TRIM42: variants seen among roughly 807,000 people sequenced by gnomAD.
The protein encoded by TRIM42 is tripartite motif containing 42.
Under a neutral mutation model 64.9 loss-of-function variants are expected in TRIM42, and 59 were observed. The ratio of observed to expected loss-of-function variants is 0.91; its 90% confidence interval spans 0.74 to 1.13. The LOEUF is 1.13. TRIM42 is among the 50% of genes most tolerant of loss of function. TRIM42 has a pLI of 0.00. For synonymous variants in TRIM42, 354 were observed against 346.3 expected (o/e 1.02, Z -0.25); for missense variants, 878 against 929.5 (o/e 0.94, Z 0.72).
rs538613272 is a variant in TRIM42, at chr3:140,688,002, G to A, written c.1320G>A (p.Val440=). 4.0e-5 allele frequency: 64 copies of A among 1,614,200 alleles called. 1 individual carries two copies. The South Asian group carries it at 6.3e-4, about 16-fold the overall frequency. ...AAGCCCTGAAGGAGACTGGCCAGGT[G>A]GCATTCCTGCAGTCAGCCAAGATCC... ...SKEALKETGQ[V]AFLQSAKILV... is the part of the protein sequence containing the mutation. The change falls in exon 3 of 5, where the codon GTG becomes GTA. Residue 440 remains valine (V), a synonymous_variant. Transcript: ENST00000286349.
chr3:140,685,340 A>G (rs1988522526), intron 2 of TRIM42, among the ~76,000 whole-genome samples: 1 of 152,202 alleles, frequency 6.6e-6, no homozygotes, highest in Non-Finnish European at 1.5e-5. Flanking sequence ...GCAAGATGGA[A>G]TTTTAAAAAA....
intron 4 of TRIM42, among the ~76,000 whole-genome samples, chr3:140,696,287 C>T (rs1025919656): frequency 5.3e-5 from 8 of 152,148 alleles, no homozygotes; most frequent in African/African-American, 1.9e-4. Context: ...TGTTACATAT[C>T]TTACTTTGTT....
chr3:140,699,961 A>T (rs1282122007), intron 4 of TRIM42, among the ~76,000 whole-genome samples: 1 of 152,092 alleles, frequency 6.6e-6, no homozygotes, highest in Non-Finnish European at 1.5e-5. Context: ...GTACATAGAG[A>T]CTTTGTGCCC....
chr3:140,681,027 C>T (rs1023596947), intron 1 of TRIM42, among the ~76,000 whole-genome samples: 6 of 152,236 alleles, frequency 3.9e-5, no homozygotes, highest in African/African-American at 1.4e-4. Flanking sequence ...GCCTTTTACA[C>T]CTCCATTCCC....
At chr3:140,690,290 A>C (rs1396446063) in intron 3 of TRIM42, among the ~76,000 whole-genome samples, 1 of 151,974 alleles carries the variant, frequency 6.6e-6, no homozygotes, top group Non-Finnish European at 1.5e-5. Context: ...AGTTCTAGGA[A>C]TCTCTTCCAA....
chr3:140,691,074 TTCGGG>T lies in TRIM42; in HGVS notation c.1968_1972del (p.Arg657HisfsTer20), dbSNP rs1559938686. 1 of 1,614,100 alleles carries T rather than the reference TTCGGG, an allele frequency of 6.2e-7. No individual in the cohort carries two copies. The highest frequency in any genetic ancestry group is 8.5e-7 in the Non-Finnish European group (1 of 1,179,992). On this transcript the variant is annotated frameshift_variant, in exon 4 of 5. Coordinates refer to ENST00000286349, the MANE Select transcript of TRIM42 (RefSeq NM_152616.5). LOFTEE classifies it high-confidence loss of function. ...GTACAAATGGAGCTCTGTGGACAAATTCGGGACATAATGCAGCAAAATCTGGAGCT... is the reference window on the plus strand; with the variant it reads ...GTACAAATGGAGCTCTGTGGACAAATACATAATGCAGCAAAATCTGGAGCT...
chr3:140,692,562 C>CACACACACACAGAG lies in TRIM42; in HGVS notation c.2085+1371_2085+1372insCACACACACAGAGA, dbSNP rs375439126. On this transcript the variant is annotated intron_variant, in intron 4 of 4. Transcript: ENST00000286349. Reference sequence around the variant, plus strand: ...ACACACACACACACACACACACACACAGAGAGAGATAGAGAGAGAGAGAGA... The same window carrying CACACACACACAGAG: ...ACACACACACACACACACACACACACACACACACACAGAGAGAGAGAGATAGAGAGAGAGAGAGA... 2.3e-3 allele frequency among the ~76,000 whole-genome samples: 263 copies of CACACACACACAGAG among 114,188 alleles called. 1 individual carries two copies. The highest frequency in any genetic ancestry group is 3.8e-3 in the Non-Finnish European group (197 of 51,512). The allele number at this position is 114,188 out of a possible 152,430, so 74.9% of individuals were successfully genotyped here.
At chr3:140,693,727 C>T (rs1273815806) in intron 4 of TRIM42, among the ~76,000 whole-genome samples, 1 of 152,120 alleles carries the variant, frequency 6.6e-6, no homozygotes, top group African/African-American at 2.4e-5. Flanking sequence ...TTCTATCACA[C>T]GTATTTTTGT....
At position 140,688,291 on chromosome 3, in the gene TRIM42, T is replaced by C; in HGVS notation, c.1609T>C (p.Ser537Pro). The C allele has an allele frequency of 6.2e-7, 1 of 1,613,966 alleles. No individual in the cohort carries two copies. Among genetic ancestry groups the C allele is most frequent in the African/African-American group, 1.3e-5 (1 of 74,936 alleles). Residue 537 changes from serine to proline, a missense_variant, in exon 3 of 5, where the codon TCC becomes CCC. Ser to Pro is a moderately conservative substitution (Grantham distance 74). Transcript: ENST00000286349. ...CAACCAGCACATATACCAGCGAAGCTCCTCCATGTTGTCCTTCAGCAACAC... is the reference window on the plus strand; with the variant it reads ...CAACCAGCACATATACCAGCGAAGCCCCTCCATGTTGTCCTTCAGCAACAC... Reference protein sequence around the residue: ...LGNQHIYQRSSSMLSFSNTDK... With the variant: ...LGNQHIYQRSPSMLSFSNTDK...
chr3:140,690,617 CA>C (rs1241319690), intron 3 of TRIM42, among the ~76,000 whole-genome samples: 3 of 136,462 alleles, frequency 2.2e-5, no homozygotes, highest in African/African-American at 8.5e-5. Flanking sequence ...TCTGAAATTG[CA>C]AAGAAATAAT....
At chr3:140,692,078 GA>G (rs902441807) in intron 4 of TRIM42, among the ~76,000 whole-genome samples, 1 of 152,050 alleles carries the variant, frequency 6.6e-6, no homozygotes, top group Admixed American at 6.5e-5. Flanking sequence ...CATCTGATCT[GA>G]TACCCAAGGG....
chr3:140,689,521 C>G (rs926029046), intron 3 of TRIM42, among the ~76,000 whole-genome samples: 1 of 152,254 alleles, frequency 6.6e-6, no homozygotes, highest in Admixed American at 6.5e-5. Context: ...CTGGTTCTCA[C>G]AAACTTCCAG....
rs1443396992 is a variant in TRIM42, at chr3:140,678,279, G to A, written c.50G>A (p.Cys17Tyr). 1 of 1,614,190 alleles carries A rather than the reference G, an allele frequency of 6.2e-7. No homozygotes were observed. The highest frequency in any genetic ancestry group is 1.7e-5 in the Admixed American group (1 of 60,018). The change falls in exon 1 of 5, where the codon TGT becomes TAT. Residue 17 changes from cysteine to tyrosine, a missense_variant. Cys to Tyr is a radical substitution (Grantham distance 194, BLOSUM62 -2). Coordinates refer to ENST00000286349, the MANE Select transcript of TRIM42 (RefSeq NM_152616.5). ...TGTCCATGTTGTACATGGCAGAGATGTTGTCCTCAGTTATGCTCCTGTCTG... is the reference window on the plus strand; with the variant it reads ...TGTCCATGTTGTACATGGCAGAGATATTGTCCTCAGTTATGCTCCTGTCTG... ...VCCPCCTWQR[C>Y]CPQLCSCLCC...
chr3:140,691,251 G>T (rs1303587795), intron 4 of TRIM42, 59 bp downstream of exon 4: 1 of 1,371,250 alleles, frequency 7.3e-7, no homozygotes, highest in Non-Finnish European at 1.0e-6. Context: ...TCTGGATGAG[G>T]CCCTGTTAAG....
chr3:140,691,260 A>G (rs1369055508), intron 4 of TRIM42, 68 bp downstream of exon 4: 1 of 1,308,238 alleles, frequency 7.6e-7, no homozygotes, highest in African/African-American at 1.5e-5. Flanking sequence ...GGCCCTGTTA[A>G]GATGATCGTG....
intron 2 of TRIM42, among the ~76,000 whole-genome samples, chr3:140,687,302 C>T (rs1284931753): frequency 6.6e-6 from 1 of 152,196 alleles, no homozygotes; most frequent in Non-Finnish European, 1.5e-5. Flanking sequence ...TCGGCAGAAA[C>T]TTAGTTCTTC....
At chr3:140,683,243 G>A in intron 2 of TRIM42, 84 bp downstream of exon 2, 1 of 1,378,736 alleles carries the variant, frequency 7.3e-7, no homozygotes, top group South Asian at 1.3e-5. Flanking sequence ...TGTTAAGTGA[G>A]TGCCTTAACA....
At chr3:140,689,822 T>C (rs922652972) in intron 3 of TRIM42, among the ~76,000 whole-genome samples, 1 of 151,080 alleles carries the variant, frequency 6.6e-6, no homozygotes, top group Non-Finnish European at 1.5e-5. Flanking sequence ...TGTATGCTTA[T>C]TACCTCAAGT....
intron 4 of TRIM42, among the ~76,000 whole-genome samples, chr3:140,699,266 T>C (rs1222065089): frequency 6.6e-6 from 1 of 152,238 alleles, no homozygotes. Context: ...CATCTATAAT[T>C]ATAAGGGAAT....
Sources: allele counts gnomAD v4.1 joint callset (sites outside exome capture counted in the v4.1 genomes callset), GRCh38; gene constraint gnomAD v4.1.1; transcripts MANE v1.5; gene names NCBI Gene and HGNC (gene_info 2026-07-23, HGNC 2026-07-21).